Variants in RIC3 observed in about 807,000 individuals in gnomAD.
The protein encoded by RIC3 is RIC3 acetylcholine receptor chaperone.
Under a neutral mutation model 27.3 loss-of-function variants are expected in RIC3, and 28 were observed. That is an observed-to-expected ratio of 1.02 (90% CI 0.76 to 1.41). RIC3 has a LOEUF of 1.41. Ranked by LOEUF, RIC3 falls within the 40% of genes most tolerant of loss-of-function variation. The pLI is 0.00. For synonymous variants in RIC3, 184 were observed against 160.4 expected, an observed-to-expected ratio of 1.15 and a Z score of -1.11; for missense variants, 501 against 444.7, an observed-to-expected ratio of 1.13 and a Z score of -1.14.
At chr11:8,103,555 C>G (rs1451001587), downstream of RIC3, 1 of 152,604 alleles carries the variant, frequency 6.6e-6, no homozygotes, top group East Asian at 1.9e-4. Flanking sequence ...CTGCCCACAC[C>G]TCGGCCGTAC....
chr11:8,138,608 T>C (rs776682483), intron 2 of RIC3: 6 of 413,932 alleles, frequency 1.4e-5, no homozygotes, highest in Non-Finnish European at 2.1e-5. Flanking sequence ...TAATTAGGAA[T>C]AGTAACTTCT....
chr11:8,129,021 T>A (rs936611564), intron 4 of RIC3, among the ~76,000 whole-genome samples: 1 of 152,098 alleles, frequency 6.6e-6, no homozygotes, highest in African/African-American at 2.4e-5. Flanking sequence ...CCCAAAGTGC[T>A]GGGATTACAG....
chr11:8,168,256 T>G (rs1951912903), intron 1 of RIC3, among the ~76,000 whole-genome samples: 1 of 152,122 alleles, frequency 6.6e-6, no homozygotes, highest in Non-Finnish European at 1.5e-5. Flanking sequence ...AACGAAGAAT[T>G]AACAGATAAA....
chr11:8,097,157 T>C, the RIC3 span: 1 of 1,556,254 alleles, frequency 6.4e-7, no homozygotes, highest in Admixed American at 1.7e-5. Context: ...GAGGCAGATT[T>C]GGATCCCAGA....
At chr11:8,103,164 T>G (rs1159889064), downstream of RIC3, 1 of 152,156 alleles carries the variant, frequency 6.6e-6, no homozygotes, top group East Asian at 1.9e-4. Context: ...AGAGAGTGCA[T>G]AAAGGTTCTG....
intron 5 of RIC3, among the ~76,000 whole-genome samples, chr11:8,125,422 C>T (rs557194456): frequency 6.6e-6 from 1 of 152,102 alleles, no homozygotes; most frequent in African/African-American, 2.4e-5. Context: ...GGAATATATA[C>T]AGAACTCTTG....
At position 8,143,637 on chromosome 11, in the gene RIC3, A is replaced by C. The variant is rs369800527; in HGVS notation, c.125-3444T>G. On this transcript the variant is annotated intron_variant, in intron 1 of 5. Coordinates refer to ENST00000309737, the MANE Select transcript of RIC3 (RefSeq NM_001206671.4). ...TTTACAGATTCAATGCCATCCCCAT[A>C]AAGCTACCAATGACTTTCTTCACAG... 1.8e-3 allele frequency among the ~76,000 whole-genome samples: 267 copies of C among 151,404 alleles called. 1 individual carries two copies. Among genetic ancestry groups the C allele is most frequent in the African/African-American group, 3.6e-3 (149 of 41,196 alleles).
the RIC3 span, among the ~76,000 whole-genome samples, chr11:8,100,104 C>T: frequency 6.6e-6 from 1 of 152,036 alleles, no homozygotes; most frequent in Non-Finnish European, 1.5e-5. Flanking sequence ...ACCAGGAGTC[C>T]AGGCAAAGGC....
rs74902049 is a variant in RIC3 at position 8,151,114 on chromosome 11, A to G, written c.125-10921T>C. Among the ~76,000 whole-genome samples, 104 of 152,342 alleles carry G rather than the reference A, an allele frequency of 6.8e-4. 2 individuals are homozygous for G. In the East Asian group the frequency reaches 0.019, roughly 27 times the overall value. The stretch of plus-strand genomic sequence containing the variant: ...TTCTTAGACAGGACACCAAAAGCAC[A>G]AACAACAAAACAAAAGGTAGGCAAA... On this transcript the variant is annotated intron_variant, in intron 1 of 5. Coordinates refer to ENST00000309737, the MANE Select transcript of RIC3 (RefSeq NM_001206671.4).
chr11:8,111,208 C>G (rs1590057476), intron 5 of RIC3, 71 bp from the exon 6 acceptor site: 5 of 1,132,142 alleles, frequency 4.4e-6, no homozygotes, highest in African/African-American at 3.1e-5. Flanking sequence ...GTGTCAGGTT[C>G]AAAGAGGATT....
intron 4 of RIC3, among the ~76,000 whole-genome samples, chr11:8,131,536 G>A (rs905224608): frequency 5.9e-5 from 9 of 152,058 alleles, no homozygotes; most frequent in Non-Finnish European, 8.8e-5. Context: ...TATATATAGA[G>A]GTCAGGAAAT....
intron 3 of RIC3, 52 bp downstream of exon 3, chr11:8,138,220 A>G: frequency 7.7e-7 from 1 of 1,304,588 alleles, no homozygotes; most frequent in Non-Finnish European, 1.1e-6. Context: ...CTGTGGCTAT[A>G]AAACTGTTTG....
the RIC3 span, among the ~76,000 whole-genome samples, chr11:8,099,821 C>T: frequency 6.6e-5 from 10 of 152,242 alleles, no homozygotes; most frequent in South Asian, 2.1e-4. Context: ...CAGCAGTGTA[C>T]GTGTCTAGGG....
At chr11:8,101,054 T>C in the RIC3 span, 1,550 of 1,600,922 alleles carry the variant, frequency 9.7e-4, 12 homozygotes, top group African/African-American at 0.018. Flanking sequence ...GCCCTTAGCG[T>C]AGGGTTCAGC....
At chr11:8,162,541 GA>G (rs1951263887) in intron 1 of RIC3, among the ~76,000 whole-genome samples, 1 of 146,110 alleles carries the variant, frequency 6.8e-6, no homozygotes, top group African/African-American at 2.5e-5. Flanking sequence ...AAGAATGACA[GA>G]AAAAAACCTT....
the RIC3 span, chr11:8,093,974 T>G: frequency 6.3e-7 from 1 of 1,588,784 alleles, no homozygotes; most frequent in South Asian, 1.1e-5. Flanking sequence ...CTGGGGACTG[T>G]GTTCAGGTGG....
intron 4 of RIC3, among the ~76,000 whole-genome samples, chr11:8,133,710 C>A (rs1391786946): frequency 6.6e-6 from 1 of 152,192 alleles, no homozygotes; most frequent in African/African-American, 2.4e-5. Flanking sequence ...ACAGTGACAG[C>A]TTCTCTGCCT....
intron 1 of RIC3, among the ~76,000 whole-genome samples, chr11:8,140,672 C>A (rs533473106): frequency 1.3e-5 from 2 of 152,334 alleles, no homozygotes; most frequent in Admixed American, 1.3e-4. Flanking sequence ...CCCTCCACTG[C>A]TGCCACCTCA....
chr11:8,098,847 T>TA, the RIC3 span: 6 of 1,614,106 alleles, frequency 3.7e-6, no homozygotes, highest in Non-Finnish European at 5.1e-6. Flanking sequence ...AGTGGAACCT[T>TA]ACGTCAGGAG....
Sources: allele counts gnomAD v4.1 joint callset (sites outside exome capture counted in the v4.1 genomes callset), GRCh38; gene constraint gnomAD v4.1.1; transcripts MANE v1.5; gene names NCBI Gene and HGNC (gene_info 2026-07-23, HGNC 2026-07-21).